The following CTNND2 variants were observed in gnomAD, a reference collection of about 807,000 sequenced individuals.
CTNND2 encodes catenin delta-2.
CTNND2 carries 22 observed loss-of-function variants against 144.4 expected under a neutral mutation model. That is an observed-to-expected ratio of 0.15 (90% CI 0.11 to 0.22). The LOEUF is 0.22. CTNND2 is among the 10% of genes least tolerant of loss of function. The pLI, the probability that CTNND2 is intolerant of heterozygous loss-of-function variation, is 1.00. For missense variants in CTNND2, 1,353 were observed against 1,618.8 expected, an observed-to-expected ratio of 0.84 and a Z score of 2.82; for synonymous variants, 751 against 695.6, an observed-to-expected ratio of 1.08 and a Z score of -1.25.
chr5:11,119,654 T>C (rs1580338766), intron 12 of CTNND2, among the ~76,000 whole-genome samples: 1 of 152,276 alleles, frequency 6.6e-6, no homozygotes, highest in Non-Finnish European at 1.5e-5. Context: ...GCTGTGAAGC[T>C]GTTAAAATAA....
intron 3 of CTNND2, among the ~76,000 whole-genome samples, chr5:11,517,208 T>G (rs32624): frequency 6.6e-6 from 1 of 151,994 alleles, no homozygotes; most frequent in African/African-American, 2.4e-5. Context: ...ATCTCTTAAA[T>G]CACTGGCTTA....
At chr5:11,130,150 C>T (rs186109295) in intron 12 of CTNND2, among the ~76,000 whole-genome samples, 17 of 152,222 alleles carry the variant, frequency 1.1e-4, no homozygotes, top group African/African-American at 3.9e-4. Flanking sequence ...CTTTGCTGAG[C>T]TGCAGAGACA....
chr5:11,541,955 C>T (rs978136031), intron 3 of CTNND2, among the ~76,000 whole-genome samples: 1 of 150,900 alleles, frequency 6.6e-6, no homozygotes, highest in African/African-American at 2.4e-5. Flanking sequence ...TGGAGGTTCA[C>T]AGACCACTAT....
chr5:11,484,799 C>G (rs2149982155), intron 3 of CTNND2, among the ~76,000 whole-genome samples: 1 of 152,156 alleles, frequency 6.6e-6, no homozygotes, highest in Non-Finnish European at 1.5e-5. Flanking sequence ...AAATAGCAAA[C>G]AAGACAGAAC....
chr5:11,644,662 A>C (rs1782254825), intron 2 of CTNND2, among the ~76,000 whole-genome samples: 1 of 148,492 alleles, frequency 6.7e-6, no homozygotes, highest in Admixed American at 6.7e-5. Flanking sequence ...CGAAAGAACA[A>C]GACTCCATCT....
intron 2 of CTNND2, among the ~76,000 whole-genome samples, chr5:11,576,818 CTT>C (rs1346605308): frequency 6.6e-6 from 1 of 152,084 alleles, no homozygotes. Context: ...TGCAGTAGCT[CTT>C]TGAGAGTTGA....
chr5:11,661,289 G>A (rs1783189108), intron 2 of CTNND2, among the ~76,000 whole-genome samples: 1 of 152,052 alleles, frequency 6.6e-6, no homozygotes. Flanking sequence ...ACTTGAAAAA[G>A]GTGTCATTTC....
chr5:11,769,097 G>A (rs1789768533), intron 1 of CTNND2, among the ~76,000 whole-genome samples: 1 of 152,170 alleles, frequency 6.6e-6, no homozygotes, highest in African/African-American at 2.4e-5. Context: ...TGTTAAAAAT[G>A]GAGAATTCTA....
At chr5:11,134,162 A>G (rs1207846708) in intron 12 of CTNND2, among the ~76,000 whole-genome samples, 1 of 152,168 alleles carries the variant, frequency 6.6e-6, no homozygotes, top group African/African-American at 2.4e-5. Flanking sequence ...AGATAGAGGT[A>G]GTGGGGCTAC....
At chr5:11,178,958 T>G (rs1760739078) in intron 11 of CTNND2, among the ~76,000 whole-genome samples, 1 of 152,212 alleles carries the variant, frequency 6.6e-6, no homozygotes, top group Admixed American at 6.5e-5. Context: ...ATTACCCCAC[T>G]GAGATGACAG....
At chr5:11,405,562 C>A (rs1007377724) in intron 5 of CTNND2, among the ~76,000 whole-genome samples, 6 of 149,564 alleles carry the variant, frequency 4.0e-5, no homozygotes, top group Non-Finnish European at 8.9e-5. Flanking sequence ...AGCCTGGCGA[C>A]AGAGCAGGAC....
chr5:11,737,425 C>G (rs931283757), intron 1 of CTNND2, among the ~76,000 whole-genome samples: 2 of 152,172 alleles, frequency 1.3e-5, no homozygotes, highest in African/African-American at 4.8e-5. Context: ...TCTGCAAATA[C>G]CCAAGCTGCA....
chr5:11,802,531 C>T (rs1245898984), intron 1 of CTNND2, among the ~76,000 whole-genome samples: 3 of 151,446 alleles, frequency 2.0e-5, no homozygotes, highest in Non-Finnish European at 4.4e-5. Context: ...CGTGCCATTG[C>T]ACTCCAGTCT....
Position 11,299,024 on chromosome 5 carries a change from A to G in CTNND2, c.1628+47348T>C, listed in dbSNP as rs1027140377. 1.1e-4 allele frequency among the ~76,000 whole-genome samples: 16 copies of G among 152,326 alleles called. 1 individual carries two copies. Among genetic ancestry groups the G allele is most frequent in the Admixed American group, 5.9e-4 (9 of 15,292 alleles). On this transcript the variant is annotated intron_variant, in intron 9 of 21. Coordinates refer to ENST00000304623, the MANE Select transcript of CTNND2 (RefSeq NM_001332.4). ...CACTGTATAGAAACCCTTGTGGTAC[A>G]AACACATAAATGCTCACTCTGGATA...
chr5:11,072,494 AAC>A (rs1474767318), intron 16 of CTNND2, among the ~76,000 whole-genome samples: 3 of 152,240 alleles, frequency 2.0e-5, no homozygotes, highest in Non-Finnish European at 4.4e-5. Flanking sequence ...AACTTTAAAA[AAC>A]CAAGTTTCCC....
chr5:11,378,749 G>A lies in CTNND2; in HGVS notation c.1177+5916C>T, dbSNP rs183811003. 1.5e-4 allele frequency among the ~76,000 whole-genome samples: 23 copies of A among 152,258 alleles called. No homozygotes were observed. In the Middle Eastern group the frequency reaches 0.014, roughly 90 times the overall value. On this transcript the variant is annotated intron_variant, in intron 7 of 21. Coordinates refer to ENST00000304623, the MANE Select transcript of CTNND2 (RefSeq NM_001332.4). ...TCACATTTCCTTTGAAAACCTCACT[G>A]CAGAGATTGCGAAGCTTTCATCTAG...
chr5:11,758,147 C>T (rs140260409), intron 1 of CTNND2, among the ~76,000 whole-genome samples: 2,337 of 151,978 alleles, frequency 0.015, 25 homozygotes, highest in South Asian at 0.066. Flanking sequence ...GTCACTTAGA[C>T]GGTAATTACT....
chr5:11,175,380 G>C (rs537373313), intron 11 of CTNND2, among the ~76,000 whole-genome samples: 8 of 152,258 alleles, frequency 5.3e-5, no homozygotes, highest in African/African-American at 1.4e-4. Context: ...CAGAGATAAT[G>C]AGATTTGGGA....
intron 9 of CTNND2, among the ~76,000 whole-genome samples, chr5:11,295,234 T>C (rs1172169295): frequency 6.6e-6 from 1 of 152,174 alleles, no homozygotes; most frequent in Non-Finnish European, 1.5e-5. Context: ...CATTCACAAT[T>C]GCTTCAAAGA....
Sources: allele counts gnomAD v4.1 joint callset (sites outside exome capture counted in the v4.1 genomes callset), GRCh38; gene constraint gnomAD v4.1.1; transcripts MANE v1.5; gene names NCBI Gene and HGNC (gene_info 2026-07-23, HGNC 2026-07-21).